Variants in EML6 observed in about 807,000 individuals in gnomAD.
The protein encoded by EML6 is EMAP like 6, also known as echinoderm microtubule-associated protein-like 6.
Under a neutral mutation model 240.1 loss-of-function variants are expected in EML6, and 154 were observed. That is an observed-to-expected ratio of 0.64 (90% CI 0.56 to 0.73). EML6 has a LOEUF of 0.73. Ranked by LOEUF, EML6 falls within the 30% of genes least tolerant of loss-of-function variation. The pLI, the probability that EML6 is intolerant of heterozygous loss-of-function variation, is 0.00. For synonymous variants in EML6, 1,148 were observed against 899.0 expected, an observed-to-expected ratio of 1.28 and a Z score of -4.95; for missense variants, 2,964 against 2,474.6, an observed-to-expected ratio of 1.20 and a Z score of -4.20.
chr2:54,905,185 G>T (rs1673257432), intron 24 of EML6, among the ~76,000 whole-genome samples: 1 of 152,038 alleles, frequency 6.6e-6, no homozygotes, highest in African/African-American at 2.4e-5. Context: ...TGGTGAGGCC[G>T]ATGAAAGCAG....
rs1470446340 is a variant in EML6 at position 54,968,274 on chromosome 2, A to G, written c.5744A>G (p.Glu1915Gly). Reference protein sequence around the residue: ...LVKLFDFPCTEKFAKHKRYFG... With the variant: ...LVKLFDFPCTGKFAKHKRYFG... The stretch of plus-strand genomic sequence containing the variant: ...AAGCTCTTTGATTTTCCATGCACAG[A>G]AAAATTTGTGAGTGTTCCTCAGAGT... Residue 1915 changes from glutamate to glycine, a missense_variant, in exon 40 of 42, where the codon GAA becomes GGA. Transcript: ENST00000356458. The G allele has an allele frequency of 1.3e-6, 2 of 1,551,742 alleles. No homozygotes were observed. Among genetic ancestry groups the G allele is most frequent in the Middle Eastern group, 1.7e-4 (1 of 5,992 alleles).
At chr2:54,929,471 C>G (rs1674738383) in intron 28 of EML6, among the ~76,000 whole-genome samples, 2 of 152,134 alleles carry the variant, frequency 1.3e-5, no homozygotes, top group African/African-American at 4.8e-5. Context: ...AATAAAAACT[C>G]TTAATAACTA....
At chr2:54,930,691 T>G (rs1674807988) in intron 28 of EML6, among the ~76,000 whole-genome samples, 1 of 152,106 alleles carries the variant, frequency 6.6e-6, no homozygotes, top group African/African-American at 2.4e-5. Context: ...GAGAGCAGCT[T>G]CCTAGGTAAC....
intron 7 of EML6, among the ~76,000 whole-genome samples, chr2:54,838,593 C>T (rs144301192): frequency 1.3e-5 from 2 of 152,218 alleles, no homozygotes; most frequent in African/African-American, 4.8e-5. Flanking sequence ...CATGGCCAGG[C>T]TTCAGGACTG....
chr2:54,829,604 AAAAGTATGTTAAAAGTAAATG>A, intron 7 of EML6, 127 bp downstream of exon 7: 1 of 655,338 alleles, frequency 1.5e-6, no homozygotes, highest in Non-Finnish European at 2.4e-6. Context: ...GAATACAAGC[AAAAGTATGTTAAAAGTAAATG>A]GATGTCCTTT....
intron 33 of EML6, among the ~76,000 whole-genome samples, chr2:54,958,720 A>G (rs1389832094): frequency 2.6e-5 from 4 of 152,044 alleles, no homozygotes; most frequent in Non-Finnish European, 5.9e-5. Context: ...GCAAGCTCCA[A>G]CTTCGTGGTC....
intron 3 of EML6, among the ~76,000 whole-genome samples, chr2:54,815,863 G>A (rs892337486): frequency 5.3e-5 from 8 of 152,094 alleles, no homozygotes; most frequent in South Asian, 2.1e-4. Flanking sequence ...AATGTACTCA[G>A]TACTCACACA....
intron 17 of EML6, chr2:54,882,029 A>G (rs906779231): frequency 9.2e-5 from 14 of 152,238 alleles, no homozygotes; most frequent in African/African-American, 3.4e-4. Context: ...GCAACCAGGC[A>G]CTCAGAAGTT....
At chr2:54,855,263 A>G (rs1488986062) in intron 11 of EML6, among the ~76,000 whole-genome samples, 1 of 152,038 alleles carries the variant, frequency 6.6e-6, no homozygotes, top group Non-Finnish European at 1.5e-5. Flanking sequence ...GAAACTTACA[A>G]TCATGGCAGA....
chr2:54,878,735 C>T (rs1423847125), intron 16 of EML6, among the ~76,000 whole-genome samples: 3 of 152,100 alleles, frequency 2.0e-5, no homozygotes, highest in Admixed American at 6.6e-5. Context: ...TTACAGTAAT[C>T]TATTCTTGCC....
At chr2:54,836,028 C>T (rs191280575) in intron 7 of EML6, among the ~76,000 whole-genome samples, 15 of 152,282 alleles carry the variant, frequency 9.9e-5, no homozygotes, top group Middle Eastern at 3.4e-3. Flanking sequence ...CCTCTGTCAC[C>T]GCTCTCCCTG....
At chr2:54,869,057 T>C (rs1671117043) in intron 14 of EML6, 124 bp from the exon 15 acceptor site, 2 of 599,910 alleles carry the variant, frequency 3.3e-6, no homozygotes, top group South Asian at 2.6e-5. Flanking sequence ...TGCTGTCCTA[T>C]GTGACACCTG....
At chr2:54,827,500 A>G in intron 5 of EML6, 66 bp from the exon 6 acceptor site, 1 of 1,316,036 alleles carries the variant, frequency 7.6e-7, no homozygotes. Context: ...TGAAGTATAA[A>G]TAAACACCAA....
chr2:54,889,208 G>A (rs1055684957), intron 17 of EML6, among the ~76,000 whole-genome samples: 4 of 152,078 alleles, frequency 2.6e-5, no homozygotes, highest in Admixed American at 2.6e-4. Flanking sequence ...TTTATAGATT[G>A]TTTTAATACC....
At chr2:54,931,791 T>C (rs553936586) in intron 28 of EML6, among the ~76,000 whole-genome samples, 3 of 152,174 alleles carry the variant, frequency 2.0e-5, no homozygotes, top group East Asian at 1.9e-4. Context: ...CACTGTTTTG[T>C]CACTTAGCAA....
chr2:54,755,341 C>T (rs866873467), intron 2 of EML6, among the ~76,000 whole-genome samples: 4 of 152,140 alleles, frequency 2.6e-5, no homozygotes, highest in African/African-American at 7.2e-5. Context: ...GAGTATTCTG[C>T]GTCCTTTGTA....
intron 28 of EML6, among the ~76,000 whole-genome samples, chr2:54,939,223 C>G (rs1675302489): frequency 6.6e-6 from 1 of 152,220 alleles, no homozygotes; most frequent in Non-Finnish European, 1.5e-5. Context: ...GTTGGCCTCC[C>G]TGGTCATCCT....
chr2:54,940,092 C>T (rs890797058), intron 28 of EML6, among the ~76,000 whole-genome samples: 1 of 152,290 alleles, frequency 6.6e-6, no homozygotes, highest in South Asian at 2.1e-4. Context: ...GAAGTAGTTT[C>T]TAAGCCTTTT....
In EML6 at chr2:54,928,489, A is replaced by G. The variant is rs1409620311; in HGVS notation, c.3852A>G (p.Ser1284=). ...QESKLVDSEE[S]DTDVEEDGGY... is the part of the protein sequence containing the mutation. ...GCAAGCTGGTGGACAGCGAGGAGTC[A>G]GACACCGACGTGGAAGAGGATGGAG... Residue 1284 remains serine (S), a synonymous_variant, in exon 27 of 42, where the codon TCA becomes TCG. Coordinates refer to ENST00000356458, the MANE Select transcript of EML6 (RefSeq NM_001039753.4). The G allele has an allele frequency of 6.5e-7, 1 of 1,547,032 alleles. No individual in the cohort carries two copies. Among genetic ancestry groups the G allele is most frequent in the Non-Finnish European group, 8.7e-7 (1 of 1,143,976 alleles).
Sources: gnomAD v4.1 joint callset for allele counts (sites outside exome capture counted in the v4.1 genomes callset) on GRCh38, gnomAD v4.1.1 for gene constraint, MANE v1.5 for transcripts, NCBI Gene and HGNC (gene_info 2026-07-23, HGNC 2026-07-21) for gene names.